Variants in AGAP1 observed in about 807,000 individuals in gnomAD.
The protein encoded by AGAP1 is arf-GAP with GTPase, ANK repeat and PH domain-containing protein 1.
AGAP1 carries 29 observed loss-of-function variants against 105.3 expected under a neutral mutation model. That is an observed-to-expected ratio of 0.28 (90% CI 0.21 to 0.38). AGAP1 has a LOEUF of 0.38. AGAP1 is among the 10% of genes least tolerant of loss of function. The pLI, the probability that AGAP1 is intolerant of heterozygous loss-of-function variation, is 1.00. For missense variants in AGAP1, 998 were observed against 1,165.1 expected, an observed-to-expected ratio of 0.86 and a Z score of 2.09; for synonymous variants, 509 against 485.9, an observed-to-expected ratio of 1.05 and a Z score of -0.63.
chr2:236,017,146 AC>A (rs1465698672), intron 13 of AGAP1, among the ~76,000 whole-genome samples: 1 of 151,762 alleles, frequency 6.6e-6, no homozygotes, highest in African/African-American at 2.4e-5. Context: ...AAAAAAAATT[AC>A]CCGAGCATAG....
At position 235,919,686 on chromosome 2, in the gene AGAP1, A is replaced by G. The variant is rs906336249; in HGVS notation, c.1324+10780A>G. On this transcript the variant is annotated intron_variant, in intron 11 of 17. Transcript: ENST00000304032. This position sits in a 1 kb window ranked among gnomAD's most constrained non-coding sequence, Gnocchi z 4.1. ...GCTCCCCTCAAAACAGTGTTGTCAA[A>G]TGAAAATGAATTTCATGTTAAAAAC... Among the ~76,000 whole-genome samples the G allele has an allele frequency of 6.6e-6, 1 of 152,198 alleles. No homozygotes were observed. The highest frequency in any genetic ancestry group is 6.5e-5 in the Admixed American group (1 of 15,282).
At chr2:235,758,579 A>T (rs892499996) in intron 6 of AGAP1, among the ~76,000 whole-genome samples, 1 of 152,180 alleles carries the variant, frequency 6.6e-6, no homozygotes, top group Non-Finnish European at 1.5e-5. Context: ...TGGGTGGTAG[A>T]TGTGTATTGG....
Position 235,551,931 on chromosome 2 carries a change from T to C in AGAP1, c.163+57082T>C, listed in dbSNP as rs1425134430. On this transcript the variant is annotated intron_variant, in intron 1 of 17. Transcript: ENST00000304032. This position sits in a 1 kb window ranked among gnomAD's most constrained non-coding sequence, Gnocchi z 4.8. Reference sequence around the variant, plus strand: ...GAGGAGCCAGGAGGGCGATCCCAGCTTTCTCCTGGTTAATTTTACCGTCTT... The same window carrying C: ...GAGGAGCCAGGAGGGCGATCCCAGCCTTCTCCTGGTTAATTTTACCGTCTT... Among the ~76,000 whole-genome samples, 2 of 152,212 alleles carry C rather than the reference T, an allele frequency of 1.3e-5. No homozygotes were observed. The highest frequency in any genetic ancestry group is 4.8e-5 in the African/African-American group (2 of 41,460).
chr2:235,680,117 C>T (rs1437328065), intron 1 of AGAP1, among the ~76,000 whole-genome samples: 2 of 152,218 alleles, frequency 1.3e-5, no homozygotes, highest in African/African-American at 4.8e-5. Flanking sequence ...GCTCTATATG[C>T]AGGAGATCAG....
chr2:236,079,546 A>G (rs984876394), intron 16 of AGAP1, among the ~76,000 whole-genome samples: 11 of 121,090 alleles, frequency 9.1e-5, no homozygotes, highest in African/African-American at 5.0e-4. Flanking sequence ...AAAAAATTAT[A>G]TATATATACA....
intron 13 of AGAP1, among the ~76,000 whole-genome samples, chr2:236,033,878 T>C (rs2057299970): frequency 6.6e-6 from 1 of 152,212 alleles, no homozygotes; most frequent in Non-Finnish European, 1.5e-5. Flanking sequence ...GGGAAGCTAA[T>C]GGTTGTAATT....
intron 2 of AGAP1, among the ~76,000 whole-genome samples, chr2:235,710,903 A>G (rs10167597): frequency 0.013 from 2,053 of 152,252 alleles, 51 homozygotes; most frequent in African/African-American, 0.048. Context: ...GTCGTGTTCT[A>G]AGTGCTTTAC....
chr2:235,842,006 A>T lies in AGAP1; in HGVS notation c.1050+34675A>T, dbSNP rs537199220. Among the ~76,000 whole-genome samples, 1 of 152,186 alleles carries T rather than the reference A, an allele frequency of 6.6e-6. No homozygotes were observed. Among genetic ancestry groups the T allele is most frequent in the Admixed American group, 6.5e-5 (1 of 15,298 alleles). On this transcript the variant is annotated intron_variant, in intron 9 of 17. Coordinates refer to ENST00000304032, the MANE Select transcript of AGAP1 (RefSeq NM_001037131.3). This position sits in a 1 kb window ranked among gnomAD's most constrained non-coding sequence, Gnocchi z 5.3. The stretch of plus-strand genomic sequence containing the variant: ...GAAGAAATCTTGCCGTCACCACTCC[A>T]TGCAGACGCTGGGATACTAAGGTTT...
In AGAP1 at chr2:235,885,078, G is replaced by A. The variant is rs188578705; in HGVS notation, c.1155+1629G>A. Among the ~76,000 whole-genome samples the A allele has an allele frequency of 9.9e-4, 150 of 152,262 alleles. 1 individual carries two copies. The highest frequency in any genetic ancestry group is 1.9e-3 in the Non-Finnish European group (130 of 68,016). On this transcript the variant is annotated intron_variant, in intron 10 of 17. Transcript: ENST00000304032. ...TGGCACAGTTATTGATGAGAAGTTA[G>A]AAATAGCATATTGAAGAAAATTAAT...
chr2:235,852,492 G>A (rs533494236), intron 9 of AGAP1, among the ~76,000 whole-genome samples: 2 of 152,332 alleles, frequency 1.3e-5, no homozygotes, highest in East Asian at 1.9e-4. Flanking sequence ...GGGTGTTTGC[G>A]AGTACAAATT....
intron 1 of AGAP1, among the ~76,000 whole-genome samples, chr2:235,693,607 T>C (rs1162294332): frequency 6.6e-6 from 1 of 152,104 alleles, no homozygotes; most frequent in East Asian, 1.9e-4. Context: ...GCTGTAGTCC[T>C]AGGTACTCGA....
At chr2:235,529,167 G>A (rs945282828) in intron 1 of AGAP1, among the ~76,000 whole-genome samples, 1 of 152,202 alleles carries the variant, frequency 6.6e-6, no homozygotes, top group African/African-American at 2.4e-5. Flanking sequence ...CAGAGCCCCT[G>A]TGGCCAGGCA....
At chr2:235,717,239 C>A (rs182315257) in intron 2 of AGAP1, among the ~76,000 whole-genome samples, 1 of 152,190 alleles carries the variant, frequency 6.6e-6, no homozygotes, top group Non-Finnish European at 1.5e-5. Context: ...CAGTAGATGC[C>A]GGCGGGCTAA....
At chr2:235,703,360 G>A (rs945035337) in intron 1 of AGAP1, among the ~76,000 whole-genome samples, 1 of 152,126 alleles carries the variant, frequency 6.6e-6, no homozygotes, top group African/African-American at 2.4e-5. Context: ...CTGAGCGGGA[G>A]CATCCTCCCC....
At chr2:235,929,693 A>G (rs924872670) in intron 11 of AGAP1, among the ~76,000 whole-genome samples, 14 of 152,102 alleles carry the variant, frequency 9.2e-5, no homozygotes, top group South Asian at 6.2e-4. Flanking sequence ...CTTCTCATCC[A>G]TATCACCGGA....
chr2:235,544,064 A>G (rs1421701111), intron 1 of AGAP1, among the ~76,000 whole-genome samples: 1 of 152,200 alleles, frequency 6.6e-6, no homozygotes, highest in Non-Finnish European at 1.5e-5. Context: ...CACTTTAAAC[A>G]AGCATGTTTG....
In AGAP1 at chr2:236,111,045, G is replaced by T. The variant is rs184854961; in HGVS notation, c.2115-9147G>T. 5.0e-4 allele frequency among the ~76,000 whole-genome samples: 76 copies of T among 152,294 alleles called. No homozygotes were observed. The East Asian group carries it at 0.015, about 29-fold the overall frequency. On this transcript the variant is annotated intron_variant, in intron 16 of 17. Transcript: ENST00000304032. ...AGAGCACTAAATCCCATTTATGAGG[G>T]CAGGGCCATCATCACCTAGTCACCT...
rs1380763828 is a variant in AGAP1 at position 236,120,204 on chromosome 2, A to G, written c.2127A>G (p.Glu709=). 6.2e-7 allele frequency: 1 copy of G among 1,611,328 alleles called. No homozygotes were observed. Among genetic ancestry groups the G allele is most frequent in the Non-Finnish European group, 8.5e-7 (1 of 1,178,440 alleles). Residue 709 remains glutamate (E), a synonymous_variant, in exon 17 of 18, where the codon GAA becomes GAG. Coordinates refer to ENST00000304032, the MANE Select transcript of AGAP1 (RefSeq NM_001037131.3). The surrounding 1 kb of genome is among the most constrained non-coding windows in gnomAD (Gnocchi z 6.0). ...PSVDSTREEK[E]RWIRAKYEQK... ...TGGCTCTTTGCAGGGAAGAGAAGGA[A>G]CGGTGGATCCGTGCCAAGTACGAGC...
intron 1 of AGAP1, among the ~76,000 whole-genome samples, chr2:235,589,436 A>G (rs1945258032): frequency 6.6e-6 from 1 of 151,732 alleles, no homozygotes; most frequent in Non-Finnish European, 1.5e-5. Context: ...CGAACTCCTG[A>G]CCTCAGGTGA....
Sources: allele counts gnomAD v4.1 joint callset (sites outside exome capture counted in the v4.1 genomes callset), GRCh38; gene constraint gnomAD v4.1.1; non-coding constraint Gnocchi (gnomAD v3.1); transcripts MANE v1.5; gene names NCBI Gene and HGNC (gene_info 2026-07-23, HGNC 2026-07-21).